The following MSANTD5 variants were observed in gnomAD, a reference collection of about 807,000 sequenced individuals.
The protein encoded by MSANTD5 is Myb/SANT DNA binding domain containing 5, also known as uncharacterized protein MSANTD5.
chr5:178,693,178 T>G (rs943190343), downstream of MSANTD5, among the ~76,000 whole-genome samples: 25 of 151,844 alleles, frequency 1.6e-4, 1 homozygote, highest in African/African-American at 5.8e-4. Context: ...CCAGACATGG[T>G]GGCGCACGCC....
chr5:178,703,622 C>T, the MSANTD5 span, among the ~76,000 whole-genome samples: 8 of 152,052 alleles, frequency 5.3e-5, no homozygotes, highest in Non-Finnish European at 7.4e-5. Context: ...CTACAGTTTA[C>T]AATAATCTAT....
intron 1 of MSANTD5, among the ~76,000 whole-genome samples, chr5:178,696,617 A>G (rs986276543): frequency 2.0e-5 from 3 of 152,130 alleles, no homozygotes; most frequent in Non-Finnish European, 2.9e-5. Flanking sequence ...AGTGGAGTGA[A>G]GGCAGGAAAC....
At chr5:178,707,106 G>A in the MSANTD5 span, 1 of 152,188 alleles carries the variant, frequency 6.6e-6, no homozygotes, top group South Asian at 2.1e-4. Flanking sequence ...ATAAGGATAG[G>A]GGTGACTACT....
the MSANTD5 span, among the ~76,000 whole-genome samples, chr5:178,702,999 C>T: frequency 0.22 from 33,362 of 151,996 alleles, 4,160 homozygotes; most frequent in South Asian, 0.35. Context: ...CAGGGCGATT[C>T]CACTGTGCAG....
downstream of MSANTD5, among the ~76,000 whole-genome samples, chr5:178,692,838 T>C (rs1052342782): frequency 4.6e-5 from 7 of 151,976 alleles, no homozygotes; most frequent in African/African-American, 1.7e-4. Flanking sequence ...GGGTTTCTTC[T>C]GGTGACTCTC....
chr5:178,694,473 CT>C (rs1448549417), downstream of MSANTD5: 1 of 152,226 alleles, frequency 6.6e-6, no homozygotes. Context: ...TCCAAGATCA[CT>C]GGGGGGCTGA....
upstream of MSANTD5, among the ~76,000 whole-genome samples, chr5:178,698,866 C>T (rs1765447956): frequency 6.6e-6 from 1 of 150,482 alleles, no homozygotes; most frequent in Admixed American, 6.7e-5. Context: ...GCTGAGACTG[C>T]AGGTGTGAGC....
At chr5:178,696,449 C>T (rs1352478384) in intron 1 of MSANTD5, among the ~76,000 whole-genome samples, 1 of 152,148 alleles carries the variant, frequency 6.6e-6, no homozygotes, top group African/African-American at 2.4e-5. Context: ...TGGTCTCAAA[C>T]CCCTGACCTC....
chr5:178,692,012 A>C (rs1765361578), downstream of MSANTD5, among the ~76,000 whole-genome samples: 1 of 130,056 alleles, frequency 7.7e-6, no homozygotes, highest in Non-Finnish European at 1.7e-5. Flanking sequence ...TGGTTCACTC[A>C]TACATTGCTG....
chr5:178,706,783 CAG>C, the MSANTD5 span, among the ~76,000 whole-genome samples: 1 of 152,016 alleles, frequency 6.6e-6, no homozygotes, highest in South Asian at 2.1e-4. Context: ...CCACAGCCCT[CAG>C]GGGATATTTC....
upstream of MSANTD5, among the ~76,000 whole-genome samples, chr5:178,699,609 C>T (rs181829364): frequency 3.9e-4 from 60 of 152,248 alleles, no homozygotes; most frequent in African/African-American, 1.4e-3. Flanking sequence ...AAGGGTTTCA[C>T]CATGTTGGCT....
chr5:178,695,253 C>G (rs945950154), intron 3 of MSANTD5, 34 bp downstream of exon 3: 1 of 152,470 alleles, frequency 6.6e-6, no homozygotes, highest in African/African-American at 2.4e-5. Context: ...ATGGCACTCA[C>G]TAGACCATGG....
At position 178,696,685 on chromosome 5, in the gene MSANTD5, G is replaced by A. The variant is rs191669388; in HGVS notation, c.7-504C>T. On this transcript the variant is annotated intron_variant, in intron 1 of 3. Transcript: ENST00000648368. The stretch of plus-strand genomic sequence containing the variant: ...AACCCGCACGGAATTTCCAGGCTGG[G>A]AGCAGGGAGAGGGAAATCAAGCAGA... Among the ~76,000 whole-genome samples, 3 of 152,224 alleles carry A rather than the reference G, an allele frequency of 2.0e-5. No individual in the cohort carries two copies. In the East Asian group the frequency reaches 5.8e-4, roughly 29 times the overall value.
At chr5:178,692,624 G>A (rs1433588446), downstream of MSANTD5, among the ~76,000 whole-genome samples, 1 of 152,036 alleles carries the variant, frequency 6.6e-6, no homozygotes, top group African/African-American at 2.4e-5. Context: ...ATTAACAATT[G>A]ATCCATGCAA....
the MSANTD5 span, among the ~76,000 whole-genome samples, chr5:178,704,320 A>G: frequency 1.3e-5 from 2 of 152,168 alleles, no homozygotes; most frequent in Non-Finnish European, 2.9e-5. Context: ...CCGGGAGATG[A>G]TTAAGACTAG....
upstream of MSANTD5, among the ~76,000 whole-genome samples, chr5:178,698,634 C>T (rs1383084038): frequency 2.6e-5 from 4 of 151,842 alleles, no homozygotes; most frequent in East Asian, 7.8e-4. Context: ...GGCTGGGGTG[C>T]AGTGGCGTGA....
At chr5:178,693,067 T>G (rs1243807217), downstream of MSANTD5, among the ~76,000 whole-genome samples, 1 of 151,888 alleles carries the variant, frequency 6.6e-6, no homozygotes, top group Non-Finnish European at 1.5e-5. Flanking sequence ...CCCAGCACTT[T>G]GGGAGGCTGA....
chr5:178,701,858 C>A (rs928523365), upstream of MSANTD5, among the ~76,000 whole-genome samples: 1 of 150,282 alleles, frequency 6.7e-6, no homozygotes, highest in Non-Finnish European at 1.5e-5. Context: ...CTCAGCCTCC[C>A]GAGTAGCTGG....
At chr5:178,697,415 C>G (rs1447688799) in intron 1 of MSANTD5, among the ~76,000 whole-genome samples, 171 bp downstream of exon 1, 1 of 152,162 alleles carries the variant, frequency 6.6e-6, no homozygotes, top group Non-Finnish European at 1.5e-5. Flanking sequence ...GATCGCGCCC[C>G]TGCACTCCAG....
Sources: gnomAD v4.1 joint callset for allele counts (sites outside exome capture counted in the v4.1 genomes callset) on GRCh38, gnomAD v4.1.1 for gene constraint, MANE v1.5 for transcripts, NCBI Gene and HGNC (gene_info 2026-07-23, HGNC 2026-07-21) for gene names.